The following SGCZ variants were observed in gnomAD, a reference collection of about 807,000 sequenced individuals.
The protein encoded by SGCZ is zeta-sarcoglycan.
SGCZ carries 40 observed loss-of-function variants against 41.3 expected under a neutral mutation model. The observed-to-expected ratio is 0.97, with a 90% confidence interval of 0.75 to 1.26. The LOEUF (loss-of-function observed/expected upper bound fraction) is 1.26. Among genes scored for constraint, SGCZ ranks in the 50% most tolerant of loss-of-function variants. The probability of loss-of-function intolerance (pLI) is 0.00; values close to 1 mark genes in which losing one functional copy is unlikely to be tolerated. For synonymous variants in SGCZ, 206 were observed against 137.5 expected (o/e 1.50, Z -3.49); for missense variants, 552 against 369.8 (o/e 1.49, Z -4.04).
intron 1 of SGCZ, among the ~76,000 whole-genome samples, chr8:15,122,266 G>A (rs911440509): frequency 3.9e-5 from 6 of 151,978 alleles, no homozygotes; most frequent in African/African-American, 1.5e-4. Context: ...TGGGAATTGT[G>A]GTATGTTGAA....
At chr8:14,093,309 G>C (rs534206746) in intron 7 of SGCZ, among the ~76,000 whole-genome samples, 11 of 152,076 alleles carry the variant, frequency 7.2e-5, no homozygotes, top group African/African-American at 2.7e-4. Flanking sequence ...CATATTCCTA[G>C]AGTGAACTTT....
intron 4 of SGCZ, among the ~76,000 whole-genome samples, chr8:14,182,170 G>T (rs931629341): frequency 1.3e-5 from 2 of 152,110 alleles, no homozygotes; most frequent in African/African-American, 4.8e-5. Context: ...AAAATTGGGG[G>T]AAAGAATGCA....
intron 1 of SGCZ, among the ~76,000 whole-genome samples, chr8:15,030,753 A>G (rs1414172666): frequency 6.6e-6 from 1 of 152,164 alleles, no homozygotes; most frequent in African/African-American, 2.4e-5. Context: ...CTGGTTAAGG[A>G]CTACGGCGGA....
chr8:15,221,530 C>T (rs902272053), intron 1 of SGCZ, among the ~76,000 whole-genome samples: 7 of 152,060 alleles, frequency 4.6e-5, no homozygotes, highest in Admixed American at 4.6e-4. Flanking sequence ...CAGGTCTATC[C>T]TATCATAGGC....
intron 2 of SGCZ, among the ~76,000 whole-genome samples, chr8:14,488,041 C>G (rs570139140): frequency 6.6e-6 from 1 of 152,362 alleles, no homozygotes; most frequent in African/African-American, 2.4e-5. Context: ...TTTTCTCCTC[C>G]TAAGTCCCTG....
intron 1 of SGCZ, among the ~76,000 whole-genome samples, chr8:15,039,762 G>A (rs1004169697): frequency 6.6e-6 from 1 of 152,002 alleles, no homozygotes; most frequent in African/African-American, 2.4e-5. Flanking sequence ...TTGTTTGTAC[G>A]TTTTCATTTC....
chr8:14,682,025 C>G (rs1808464294), intron 1 of SGCZ, among the ~76,000 whole-genome samples: 1 of 152,042 alleles, frequency 6.6e-6, no homozygotes. Context: ...AGAAAAATAA[C>G]ATATCTGCCC....
rs73535248 is a variant in SGCZ, at chr8:14,585,189, G to C, written c.40-30263C>G. 8.4e-3 allele frequency among the ~76,000 whole-genome samples: 1,277 copies of C among 152,022 alleles called. 14 individuals are homozygous for C. The highest frequency in any genetic ancestry group is 0.029 in the African/African-American group (1,217 of 41,488). The stretch of plus-strand genomic sequence containing the variant: ...GAAACTCTCAGTAAAATTTAGCTTC[G>C]GCGTTAAATGTACTTTTCAAGAAGC... On this transcript the variant is annotated intron_variant, in intron 1 of 7. Coordinates refer to ENST00000382080, the MANE Select transcript of SGCZ (RefSeq NM_139167.4).
intron 5 of SGCZ, among the ~76,000 whole-genome samples, chr8:14,113,310 T>A (rs1174915054): frequency 1.3e-5 from 2 of 152,120 alleles, no homozygotes; most frequent in African/African-American, 2.4e-5. Context: ...ATATGCAGAT[T>A]TCTTCATTCT....
intron 2 of SGCZ, among the ~76,000 whole-genome samples, chr8:14,371,211 CA>C (rs1803898058): frequency 6.6e-6 from 1 of 151,614 alleles, no homozygotes; most frequent in African/African-American, 2.4e-5. Context: ...TCCAGATGTC[CA>C]AAAAAGCTTA....
intron 1 of SGCZ, among the ~76,000 whole-genome samples, chr8:14,588,620 G>T (rs879644085): frequency 6.6e-6 from 1 of 151,912 alleles, no homozygotes; most frequent in Non-Finnish European, 1.5e-5. Flanking sequence ...AATGAGAAAA[G>T]AAAAGAGAAA....
At chr8:15,063,452 A>G (rs772052437) in intron 1 of SGCZ, among the ~76,000 whole-genome samples, 6 of 152,198 alleles carry the variant, frequency 3.9e-5, no homozygotes, top group Non-Finnish European at 7.4e-5. Flanking sequence ...GTGAGACAAA[A>G]TAATTCAGAA....
chr8:15,137,076 C>T (rs762933641), intron 1 of SGCZ, among the ~76,000 whole-genome samples: 1 of 152,012 alleles, frequency 6.6e-6, no homozygotes, highest in Non-Finnish European at 1.5e-5. Flanking sequence ...ACCAAAATAC[C>T]GATAATGATA....
At chr8:14,862,965 A>G (rs116684946) in intron 1 of SGCZ, among the ~76,000 whole-genome samples, 3,602 of 152,156 alleles carry the variant, frequency 0.024, 52 homozygotes, top group Middle Eastern at 0.048. Context: ...GTTGACTTAT[A>G]ACTTGTGGCC....
chr8:14,913,193 G>T (rs1306148932), intron 1 of SGCZ, among the ~76,000 whole-genome samples: 1 of 151,966 alleles, frequency 6.6e-6, no homozygotes, highest in African/African-American at 2.4e-5. Context: ...CATATCCTTA[G>T]AATTTTGATA....
intron 1 of SGCZ, among the ~76,000 whole-genome samples, chr8:14,593,379 C>G (rs757040663): frequency 3.9e-5 from 6 of 152,156 alleles, no homozygotes. Flanking sequence ...GACCCTCCAG[C>G]AGACACAGAA....
At chr8:14,210,558 G>A (rs1805770828) in intron 4 of SGCZ, among the ~76,000 whole-genome samples, 1 of 151,624 alleles carries the variant, frequency 6.6e-6, no homozygotes, top group African/African-American at 2.4e-5. Context: ...TGTCTCCCAG[G>A]TTCAAGAGAT....
At chr8:14,577,323 A>G (rs532962146) in intron 1 of SGCZ, among the ~76,000 whole-genome samples, 36 of 152,014 alleles carry the variant, frequency 2.4e-4, no homozygotes, top group African/African-American at 7.2e-4. Flanking sequence ...GATCTTCAAC[A>G]TTATCAAATG....
At chr8:14,125,901 G>C (rs752526289) in intron 5 of SGCZ, among the ~76,000 whole-genome samples, 1 of 152,096 alleles carries the variant, frequency 6.6e-6, no homozygotes, top group Non-Finnish European at 1.5e-5. Context: ...TAAATGGTTG[G>C]TGCTGGGAAA....
Sources: allele counts gnomAD v4.1 joint callset (sites outside exome capture counted in the v4.1 genomes callset), GRCh38; gene constraint gnomAD v4.1.1; transcripts MANE v1.5; gene names NCBI Gene and HGNC (gene_info 2026-07-23, HGNC 2026-07-21).